Variants in HFM1 observed in about 807,000 individuals in gnomAD.
HFM1 encodes probable ATP-dependent DNA helicase HFM1.
A neutral mutation model predicts 192.1 loss-of-function variants in HFM1; 169 were observed. The ratio of observed to expected loss-of-function variants is 0.88; its 90% CI spans 0.78 to 1.00. HFM1 has a LOEUF of 1.00. Ranked by LOEUF, HFM1 falls within the 50% of genes least tolerant of loss-of-function variation. The pLI is 0.00. For missense variants in HFM1, 1,661 were observed against 1,668.0 expected (o/e 1.00, Z 0.07); for synonymous variants, 525 against 537.8 (o/e 0.98, Z 0.33).
Position 91,380,931 on chromosome 1 carries a change from T to C in HFM1, c.854A>G (p.Gln285Arg), listed in dbSNP as rs1475860158. 2 of 1,456,280 alleles carry C rather than the reference T, an allele frequency of 1.4e-6. No individual in the cohort carries two copies. Among genetic ancestry groups the C allele is most frequent in the Middle Eastern group, 1.8e-4 (1 of 5,714 alleles). The allele number at this position is 1,456,280 out of a possible 1,614,324, so 90.2% of individuals were successfully genotyped here. A position where few individuals can be genotyped will look rare whatever the true frequency, so the allele number is the denominator to read the frequency against. The change falls in exon 7 of 39, where the codon CAG becomes CGG. Residue 285 changes from glutamine (Q) to arginine (R), a missense_variant. By Grantham distance (43) the Gln-to-Arg change is conservative (BLOSUM62 1). Transcript: ENST00000370425. The part of the protein sequence containing the change: ...FKEFPYFNYI[Q>R]SKAFDDLLYT... ...ACTTACATCATCAAAGGCCTTGGAC[T>C]GTATATAGTTGAAATATGGAAATTC...
intron 30 of HFM1, among the ~76,000 whole-genome samples, chr1:91,302,693 A>C (rs1345214241): frequency 6.6e-6 from 1 of 151,620 alleles, no homozygotes; most frequent in Non-Finnish European, 1.5e-5. Context: ...ACAAAAAACC[A>C]AACACTGCAT....
chr1:91,367,719 A>G (rs979769158), intron 13 of HFM1, among the ~76,000 whole-genome samples: 1 of 152,226 alleles, frequency 6.6e-6, no homozygotes, highest in Admixed American at 6.5e-5. Context: ...AAAGGAACAC[A>G]GCTCCTCACC....
In HFM1 at chr1:91,353,250, AC is replaced by A. The variant is rs1557899256; in HGVS notation, c.1729+5del. The A allele has an allele frequency of 6.3e-7, 1 of 1,584,396 alleles. No individual in the cohort carries two copies. The highest frequency in any genetic ancestry group is 1.3e-5 in the African/African-American group (1 of 74,192). On this transcript the variant is annotated splice_donor_5th_base_variant and intron_variant, in intron 14 of 38. Transcript: ENST00000370425. ...AATGCTATTCAAAAATTATCTCTAA[AC>A]CTACCTCTCAGTTTTGAATCTCTTA...
intron 20 of HFM1, chr1:91,328,348 C>T: frequency 6.5e-7 from 1 of 1,537,376 alleles, no homozygotes; most frequent in East Asian, 2.3e-5. Flanking sequence ...GGCCTCGTGT[C>T]CCAAAGGCCA....
chr1:91,279,151 C>T lies in HFM1; in HGVS notation c.3392-2089G>A, dbSNP rs117874196. Among the ~76,000 whole-genome samples the T allele has an allele frequency of 1.5e-3, 222 of 152,242 alleles. 3 individuals carry two copies. The East Asian group carries it at 0.023, about 16-fold the overall frequency. On this transcript the variant is annotated intron_variant, in intron 30 of 38. Transcript: ENST00000370425. ...AATCCTATAATAAGATTCTGAAATCCTATAATAAGATTCTGAAATCCTATA... is the reference window on the plus strand; with the variant it reads ...AATCCTATAATAAGATTCTGAAATCTTATAATAAGATTCTGAAATCCTATA...
intron 17 of HFM1, 112 bp from the exon 18 acceptor site, chr1:91,350,983 A>G: frequency 1.2e-6 from 1 of 850,272 alleles, no homozygotes; most frequent in Non-Finnish European, 1.7e-6. Context: ...TTCATGAAAT[A>G]TAACTTAATT....
At chr1:91,385,376 T>G in intron 5 of HFM1, 142 bp from the exon 6 acceptor site, 4 of 756,788 alleles carry the variant, frequency 5.3e-6, no homozygotes, top group Non-Finnish European at 8.6e-6. Context: ...AGAGCAAAGT[T>G]AAAAATATTT....
At chr1:91,292,202 G>T (rs1205793114) in intron 30 of HFM1, among the ~76,000 whole-genome samples, 1 of 150,810 alleles carries the variant, frequency 6.6e-6, no homozygotes, top group Non-Finnish European at 1.5e-5. Flanking sequence ...TTCTGGCCAG[G>T]GCAATTAGGC....
chr1:91,295,704 C>A (rs1203466826), intron 30 of HFM1, among the ~76,000 whole-genome samples: 1 of 152,034 alleles, frequency 6.6e-6, no homozygotes, highest in Non-Finnish European at 1.5e-5. Context: ...TTAATGGTAT[C>A]TTTTTGATGA....
At chr1:91,299,635 C>CA (rs1648343101) in intron 30 of HFM1, among the ~76,000 whole-genome samples, 1 of 152,210 alleles carries the variant, frequency 6.6e-6, no homozygotes, top group Admixed American at 6.5e-5. Flanking sequence ...GAAATTCACT[C>CA]AAAACCGCTC....
rs559871318 is a variant in HFM1 at position 91,347,600 on chromosome 1, T to G, written c.2207-124A>C. The G allele has an allele frequency of 1.1e-4, 52 of 481,470 alleles. No homozygotes were observed. In the East Asian group the frequency reaches 1.7e-3, roughly 15 times the overall value. 29.8% of individuals were successfully genotyped at this position (481,470 alleles called of 1,614,324 possible). On this transcript the variant is annotated intron_variant, in intron 18 of 38. Coordinates refer to ENST00000370425, the MANE Select transcript of HFM1 (RefSeq NM_001017975.6). ...ATAAGAAAAAAAAATCTCAGCTGAT[T>G]GAGTTCAAACAAGGCTTAAATATCC...
Position 91,385,530 on chromosome 1 carries a change from G to A in HFM1, c.754+45C>T. The A allele has an allele frequency of 2.7e-6, 4 of 1,485,026 alleles. No homozygotes were observed. The South Asian group carries it at 3.8e-5, about 14-fold the overall frequency. 92.0% of individuals were successfully genotyped at this position (1,485,026 alleles called of 1,614,324 possible). A position where few individuals can be genotyped will look rare whatever the true frequency, so the allele number is the denominator to read the frequency against. On this transcript the variant is annotated intron_variant, in intron 5 of 38. Coordinates refer to ENST00000370425, the MANE Select transcript of HFM1 (RefSeq NM_001017975.6). ...ATTTTCCCCCATGCTAAGAAATGTG[G>A]TTTAGTCTGTACTCATAAAATGAAC... is the stretch of plus-strand genomic sequence containing the variant.
chr1:91,373,000 T>C (rs745864182), intron 13 of HFM1, among the ~76,000 whole-genome samples: 8 of 152,002 alleles, frequency 5.3e-5, no homozygotes, highest in Non-Finnish European at 1.0e-4. Context: ...ACCCTAGAGA[T>C]TTTTTTTCAT....
chr1:91,355,917 G>A (rs766887969), intron 13 of HFM1, among the ~76,000 whole-genome samples: 1 of 152,044 alleles, frequency 6.6e-6, no homozygotes, highest in African/African-American at 2.4e-5. Flanking sequence ...GAATGTATAC[G>A]CTTCTCTAGA....
chr1:91,313,630 G>A, intron 29 of HFM1, 135 bp from the exon 30 acceptor site: 1 of 493,172 alleles, frequency 2.0e-6, no homozygotes, highest in Middle Eastern at 5.7e-4. Flanking sequence ...AAAATATGTT[G>A]AAAGGTTAAA....
intron 30 of HFM1, among the ~76,000 whole-genome samples, chr1:91,312,851 A>T (rs1379267525): frequency 6.6e-6 from 1 of 152,162 alleles, no homozygotes; most frequent in East Asian, 1.9e-4. Flanking sequence ...GGAGGGACCC[A>T]GGGGGAGGTA....
At chr1:91,324,817 TG>T in intron 20 of HFM1, 51 bp from the exon 21 acceptor site, 2 of 924,478 alleles carry the variant, frequency 2.2e-6, no homozygotes, top group Non-Finnish European at 3.6e-6. Context: ...CTGAACCAAC[TG>T]TTTTTTTATG....
intron 19 of HFM1, among the ~76,000 whole-genome samples, chr1:91,344,292 A>T (rs1000645461): frequency 2.0e-5 from 3 of 152,224 alleles, no homozygotes; most frequent in South Asian, 4.1e-4. Flanking sequence ...AATCCTAAAT[A>T]GAGCAGCCAC....
At chr1:91,296,877 C>G (rs1282113981) in intron 30 of HFM1, among the ~76,000 whole-genome samples, 1 of 152,180 alleles carries the variant, frequency 6.6e-6, no homozygotes, top group Non-Finnish European at 1.5e-5. Flanking sequence ...ATGCAGAAGA[C>G]AGGTGATTTC....
Sources: gnomAD v4.1 joint callset for allele counts (sites outside exome capture counted in the v4.1 genomes callset) on GRCh38, gnomAD v4.1.1 for gene constraint, MANE v1.5 for transcripts, NCBI Gene and HGNC (gene_info 2026-07-23, HGNC 2026-07-21) for gene names.